ZDHHC14: variants seen among roughly 807,000 people sequenced by gnomAD.
ZDHHC14 encodes zDHHC palmitoyltransferase 14.
In ZDHHC14, 16 loss-of-function variants were observed where a neutral mutation model predicts 47.7. The ratio of observed to expected loss-of-function variants is 0.34; its 90% confidence interval spans 0.23 to 0.51. The LOEUF (loss-of-function observed/expected upper bound fraction) is 0.51. ZDHHC14 is among the 20% of genes least tolerant of loss of function. ZDHHC14 has a pLI of 0.97. For missense variants in ZDHHC14, 515 were observed against 662.5 expected (o/e 0.78, Z 2.44); for synonymous variants, 293 against 278.9 (o/e 1.05, Z -0.50).
intron 3 of ZDHHC14, among the ~76,000 whole-genome samples, chr6:157,597,314 C>T (rs1784171543): frequency 6.6e-6 from 1 of 152,138 alleles, no homozygotes; most frequent in African/African-American, 2.4e-5. Flanking sequence ...TGTTTTAAAG[C>T]CCCAGGTGCA....
At chr6:157,669,410 C>T (rs575756355) in intron 8 of ZDHHC14, among the ~76,000 whole-genome samples, 5 of 152,088 alleles carry the variant, frequency 3.3e-5, no homozygotes, top group Admixed American at 1.3e-4. Flanking sequence ...AGGGTTGAGG[C>T]GAGCCCACCT....
chr6:157,478,523 G>A (rs1169104425), intron 1 of ZDHHC14, among the ~76,000 whole-genome samples: 1 of 152,150 alleles, frequency 6.6e-6, no homozygotes, highest in Non-Finnish European at 1.5e-5. Context: ...TCATTTTGCT[G>A]AAAGTGACCT....
chr6:157,606,006 A>G, intron 3 of ZDHHC14, among the ~76,000 whole-genome samples: 1 of 152,234 alleles, frequency 6.6e-6, no homozygotes. Context: ...CAAGATATAT[A>G]TGCTGAGTAC....
chr6:157,407,430 T>TTTTGC (rs1217341047), intron 1 of ZDHHC14, among the ~76,000 whole-genome samples: 1 of 152,150 alleles, frequency 6.6e-6, no homozygotes, highest in East Asian at 1.9e-4. Context: ...TCTTCTTAAA[T>TTTTGC]TTTGCTTTCC....
At chr6:157,627,798 G>T (rs923693826) in intron 3 of ZDHHC14, among the ~76,000 whole-genome samples, 1 of 152,194 alleles carries the variant, frequency 6.6e-6, no homozygotes, top group African/African-American at 2.4e-5. Context: ...TTCTTCATAG[G>T]AATGTTTTGA....
intron 1 of ZDHHC14, among the ~76,000 whole-genome samples, chr6:157,473,905 A>G (rs1779414736): frequency 6.6e-6 from 1 of 151,860 alleles, no homozygotes; most frequent in East Asian, 1.9e-4. Flanking sequence ...ATATCCCCAA[A>G]TCTTAAAAAA....
In ZDHHC14 at chr6:157,593,156, G is replaced by A. The variant is rs767692369; in HGVS notation, c.565+10G>A. Reference sequence around the variant, plus strand: ...TGTGATAACTGCGTAGGTGAGTAGTGCCTGGGCGGAGCCTGGCGGGAGCCC... The same window carrying A: ...TGTGATAACTGCGTAGGTGAGTAGTACCTGGGCGGAGCCTGGCGGGAGCCC... On this transcript the variant is annotated intron_variant, in intron 3 of 8. Transcript: ENST00000359775. The A allele has an allele frequency of 3.7e-6, 6 of 1,604,654 alleles. No homozygotes were observed. The highest frequency in any genetic ancestry group is 1.3e-5 in the African/African-American group (1 of 74,732).
chr6:157,466,045 GA>G (rs944966992), intron 1 of ZDHHC14, among the ~76,000 whole-genome samples: 5 of 147,298 alleles, frequency 3.4e-5, no homozygotes, highest in Non-Finnish European at 4.5e-5. Flanking sequence ...CTGTCTCAAA[GA>G]AAAAAAAAAG....
At chr6:157,396,789 A>G (rs1777531789) in intron 1 of ZDHHC14, among the ~76,000 whole-genome samples, 1 of 152,240 alleles carries the variant, frequency 6.6e-6, no homozygotes, top group South Asian at 2.1e-4. Flanking sequence ...TCTTCCCATC[A>G]TAACATTATT....
At chr6:157,596,899 C>T (rs1448029093) in intron 3 of ZDHHC14, among the ~76,000 whole-genome samples, 5 of 152,176 alleles carry the variant, frequency 3.3e-5, no homozygotes, top group South Asian at 2.1e-4. Context: ...CAACAAGAAG[C>T]GTCTTCACAA....
Position 157,592,872 on chromosome 6 carries a change from G to C in ZDHHC14, c.407-116G>C, listed in dbSNP as rs553001459. ...AGCCTGGGTAAACCGTGGGCACCGG[G>C]GGCCCTGCCAGCCGCTGTGCCTGCT... On this transcript the variant is annotated intron_variant, in intron 2 of 8. Transcript: ENST00000359775. 2,170 of 1,495,890 alleles carry C rather than the reference G, an allele frequency of 1.5e-3. 3 individuals are homozygous for C. Among genetic ancestry groups the C allele is most frequent in the Non-Finnish European group, 1.8e-3 (2,038 of 1,126,494 alleles). The allele number at this position is 1,495,890 out of a possible 1,614,324, so 92.7% of individuals were successfully genotyped here.
chr6:157,416,891 C>T (rs1418665195), intron 1 of ZDHHC14, among the ~76,000 whole-genome samples: 1 of 147,798 alleles, frequency 6.8e-6, no homozygotes, highest in African/African-American at 2.5e-5. Flanking sequence ...ACTGCAATCT[C>T]TGCCTCCCGA....
chr6:157,623,088 G>T (rs113572718), intron 3 of ZDHHC14, among the ~76,000 whole-genome samples: 4,782 of 152,204 alleles, frequency 0.031, 141 homozygotes, highest in African/African-American at 0.088. Flanking sequence ...AACCTTCCAG[G>T]TATTCCAGCC....
chr6:157,557,424 A>G (rs1043831561), intron 2 of ZDHHC14, among the ~76,000 whole-genome samples: 1 of 152,040 alleles, frequency 6.6e-6, no homozygotes, highest in African/African-American at 2.4e-5. Flanking sequence ...CCATGTTAGG[A>G]TTTTAGTCTC....
Position 157,427,364 on chromosome 6 carries a change from G to T in ZDHHC14, c.245+45098G>T, listed in dbSNP as rs1198110656. Among the ~76,000 whole-genome samples, 1 of 152,126 alleles carries T rather than the reference G, an allele frequency of 6.6e-6. No homozygotes were observed. Among genetic ancestry groups the T allele is most frequent in the Non-Finnish European group, 1.5e-5 (1 of 68,024 alleles). ...ACTCAGTGAAATAGGAAGGGAAAGT[G>T]TCTACAGAGATGCGCAGGATGCAGG... is the stretch of plus-strand genomic sequence containing the variant. On this transcript the variant is annotated intron_variant, in intron 1 of 8. Coordinates refer to ENST00000359775, the MANE Select transcript of ZDHHC14 (RefSeq NM_024630.3). The surrounding 1 kb of genome is among the most constrained non-coding windows in gnomAD (Gnocchi z 4.4).
chr6:157,384,368 G>C (rs112767334), intron 1 of ZDHHC14, among the ~76,000 whole-genome samples: 1 of 152,096 alleles, frequency 6.6e-6, no homozygotes, highest in Admixed American at 6.5e-5. Context: ...TGATCTCTGC[G>C]TGTGTTTTTT....
At chr6:157,548,770 G>A (rs771397154) in intron 2 of ZDHHC14, among the ~76,000 whole-genome samples, 17 of 152,224 alleles carry the variant, frequency 1.1e-4, no homozygotes, top group Non-Finnish European at 2.1e-4. Flanking sequence ...GACCGTCACT[G>A]TGATGCCGCC....
intron 1 of ZDHHC14, among the ~76,000 whole-genome samples, chr6:157,460,362 G>A (rs371671098): frequency 1.3e-4 from 16 of 121,858 alleles, no homozygotes; most frequent in African/African-American, 4.1e-4. Flanking sequence ...TCACACCACT[G>A]CACTCCAGCC....
intron 2 of ZDHHC14, among the ~76,000 whole-genome samples, chr6:157,549,547 C>T (rs1782137019): frequency 6.6e-6 from 1 of 152,104 alleles, no homozygotes; most frequent in Admixed American, 6.5e-5. Context: ...GGGGGAAGTG[C>T]CAGAACCATC....
Sources: gnomAD v4.1 joint callset for allele counts (sites outside exome capture counted in the v4.1 genomes callset) on GRCh38, gnomAD v4.1.1 for gene constraint, Gnocchi (gnomAD v3.1) non-coding constraint, MANE v1.5 for transcripts, NCBI Gene and HGNC (gene_info 2026-07-23, HGNC 2026-07-21) for gene names.